LRRC7: variants seen among roughly 807,000 people sequenced by gnomAD.
LRRC7 encodes the protein leucine rich repeat containing 7, also known as leucine-rich repeat-containing protein 7.
In LRRC7, 23 loss-of-function variants were observed where a neutral mutation model predicts 175.7. The observed-to-expected ratio is 0.13, with a 90% confidence interval of 0.09 to 0.19. LRRC7 has a LOEUF of 0.19. Among genes scored for constraint, LRRC7 ranks in the 10% least tolerant of loss-of-function variants. LRRC7 has a pLI of 1.00. For synonymous variants in LRRC7, 685 were observed against 680.9 expected, an observed-to-expected ratio of 1.01 and a Z score of -0.09; for missense variants, 1,354 against 1,904.7, an observed-to-expected ratio of 0.71 and a Z score of 5.38.
At chr1:69,764,044 AGT>A (rs139343370) in intron 3 of LRRC7, among the ~76,000 whole-genome samples, 4,463 of 152,108 alleles carry the variant, frequency 0.029, 68 homozygotes, top group African/African-American at 0.041. Flanking sequence ...ATATATCAAG[AGT>A]GTGTCAGAAA....
chr1:69,930,620 A>T (rs577199450), intron 7 of LRRC7, among the ~76,000 whole-genome samples: 1 of 152,178 alleles, frequency 6.6e-6, no homozygotes, highest in Non-Finnish European at 1.5e-5. Context: ...ACTCTTGCCC[A>T]AGGTTTGTGT....
chr1:70,042,492 A>T (rs1026293026), intron 21 of LRRC7, among the ~76,000 whole-genome samples: 9 of 152,226 alleles, frequency 5.9e-5, no homozygotes, highest in Admixed American at 5.9e-4. Flanking sequence ...GTTCAACATA[A>T]TGTTGGTGAA....
chr1:69,626,359 C>G (rs1011178597), intron 1 of LRRC7, among the ~76,000 whole-genome samples: 6 of 142,932 alleles, frequency 4.2e-5, no homozygotes, highest in Non-Finnish European at 9.0e-5. Flanking sequence ...GCCTTGTTAA[C>G]TCTCTGATGC....
At chr1:69,763,503 C>T (rs1200107024) in intron 3 of LRRC7, among the ~76,000 whole-genome samples, 1 of 151,998 alleles carries the variant, frequency 6.6e-6, no homozygotes, top group Non-Finnish European at 1.5e-5. Flanking sequence ...GAATTAGCTA[C>T]TATAAGAAAA....
At chr1:69,878,380 T>C (rs1317680535) in intron 7 of LRRC7, among the ~76,000 whole-genome samples, 1 of 152,140 alleles carries the variant, frequency 6.6e-6, no homozygotes, top group African/African-American at 2.4e-5. Flanking sequence ...GTATTATCTT[T>C]GAAAATCCAC....
intron 1 of LRRC7, among the ~76,000 whole-genome samples, chr1:69,654,039 C>T (rs1475768936): frequency 6.6e-6 from 1 of 151,464 alleles, no homozygotes; most frequent in Non-Finnish European, 1.5e-5. Context: ...ATTTGCTGTA[C>T]AACAATGTGT....
At chr1:69,678,085 C>T (rs189924421) in intron 1 of LRRC7, among the ~76,000 whole-genome samples, 1 of 152,172 alleles carries the variant, frequency 6.6e-6, no homozygotes, top group East Asian at 1.9e-4. Flanking sequence ...GCTGGTGCTT[C>T]AATATTTGAA....
At chr1:69,611,802 A>G (rs1023803134) in intron 1 of LRRC7, among the ~76,000 whole-genome samples, 2 of 152,104 alleles carry the variant, frequency 1.3e-5, no homozygotes, top group Admixed American at 1.3e-4. Context: ...GTGGCACTAA[A>G]GATCTCAAAA....
intron 23 of LRRC7, among the ~76,000 whole-genome samples, chr1:70,055,804 A>G (rs1025114289): frequency 6.6e-6 from 1 of 152,214 alleles, no homozygotes; most frequent in African/African-American, 2.4e-5. Context: ...CCCTCCTTCA[A>G]CACTTGGGGA....
intron 10 of LRRC7, among the ~76,000 whole-genome samples, chr1:69,993,243 G>A (rs1654612439): frequency 6.6e-6 from 1 of 152,060 alleles, no homozygotes; most frequent in Non-Finnish European, 1.5e-5. Context: ...CCTTTCCCAG[G>A]TGATGTTGTT....
At position 70,133,408 on chromosome 1, in the gene LRRC7, A is replaced by T. The variant is rs1225150932; in HGVS notation, c.*11521A>T. On this transcript the variant is annotated 3_prime_UTR_variant, in exon 27 of 27. Coordinates refer to ENST00000651989, the MANE Select transcript of LRRC7 (RefSeq NM_001370785.2). ...GCTAATTTTTGTATTTTTAGTAAAG[A>T]CAGGTTTTCTCCATGTTGCCCAGGC... Among the ~76,000 whole-genome samples, 1 of 152,126 alleles carries T rather than the reference A, an allele frequency of 6.6e-6. No homozygotes were observed. Among genetic ancestry groups the T allele is most frequent in the South Asian group, 2.1e-4 (1 of 4,826 alleles).
intron 4 of LRRC7, among the ~76,000 whole-genome samples, chr1:69,803,668 T>G (rs1676782994): frequency 6.6e-6 from 1 of 151,462 alleles, no homozygotes; most frequent in Admixed American, 6.6e-5. Context: ...ATAAAATCAT[T>G]TTATCTACCT....
intron 7 of LRRC7, among the ~76,000 whole-genome samples, chr1:69,857,930 A>T (rs75449997): frequency 0.099 from 15,010 of 152,200 alleles, 1,756 homozygotes; most frequent in African/African-American, 0.28. Flanking sequence ...TCAATGGAAC[A>T]GAACAGAGCC....
chr1:70,044,445 A>G (rs1660172490), intron 22 of LRRC7, among the ~76,000 whole-genome samples: 1 of 151,552 alleles, frequency 6.6e-6, no homozygotes, highest in African/African-American at 2.4e-5. Context: ...ACTTTTTTGG[A>G]GATAGTCCTA....
intron 7 of LRRC7, among the ~76,000 whole-genome samples, chr1:69,916,689 A>G (rs1286996036): frequency 1.3e-5 from 2 of 152,124 alleles, no homozygotes; most frequent in African/African-American, 2.4e-5. Flanking sequence ...TCTTACTGGT[A>G]AAGAATCATT....
intron 7 of LRRC7, among the ~76,000 whole-genome samples, chr1:69,912,165 G>A (rs1020089310): frequency 6.6e-6 from 1 of 152,086 alleles, no homozygotes; most frequent in African/African-American, 2.4e-5. Flanking sequence ...AGCAACGATT[G>A]TACATAAATA....
chr1:69,826,708 C>T (rs536628342), intron 5 of LRRC7, among the ~76,000 whole-genome samples: 3 of 152,188 alleles, frequency 2.0e-5, no homozygotes, highest in Admixed American at 6.5e-5. Flanking sequence ...AAAAATTCCT[C>T]GATCTTTTGT....
At chr1:70,106,441 G>A (rs774468936) in intron 25 of LRRC7, among the ~76,000 whole-genome samples, 41 of 151,924 alleles carry the variant, frequency 2.7e-4, no homozygotes, top group East Asian at 7.7e-4. Flanking sequence ...TTTTCATAAC[G>A]TTTTCTTCTA....
chr1:70,091,543 A>G (rs960237448), intron 25 of LRRC7, among the ~76,000 whole-genome samples: 4 of 149,638 alleles, frequency 2.7e-5, no homozygotes, highest in Non-Finnish European at 4.4e-5. Flanking sequence ...TTTTAAATTA[A>G]GGATGAATAG....
Sources: allele counts gnomAD v4.1 joint callset (sites outside exome capture counted in the v4.1 genomes callset), GRCh38; gene constraint gnomAD v4.1.1; transcripts MANE v1.5; gene names NCBI Gene and HGNC (gene_info 2026-07-23, HGNC 2026-07-21).